COLEC12: variants seen among roughly 807,000 people sequenced by gnomAD.
COLEC12 encodes the protein collectin subfamily member 12.
In COLEC12, 33 loss-of-function variants were observed where a neutral mutation model predicts 71.1. The observed-to-expected ratio is 0.46, with a 90% CI of 0.35 to 0.62. The LOEUF (loss-of-function observed/expected upper bound fraction) is 0.62, where lower values mean the gene tolerates loss of function less well. Ranked by LOEUF, COLEC12 falls within the 20% of genes least tolerant of loss-of-function variation. The probability of loss-of-function intolerance (pLI) is 0.00; values close to 1 mark genes in which losing one functional copy is unlikely to be tolerated. For synonymous variants in COLEC12, 350 were observed against 353.0 expected (o/e 0.99, Z 0.10); for missense variants, 765 against 916.1 (o/e 0.84, Z 2.13).
intron 2 of COLEC12, among the ~76,000 whole-genome samples, chr18:361,056 C>A (rs181000616): frequency 3.0e-4 from 46 of 152,306 alleles, no homozygotes; most frequent in Admixed American, 3.9e-4. Context: ...AAGACACCAT[C>A]ATTTCTTCTC....
chr18:340,084 A>AAAAAAAAC (rs1555613043), intron 5 of COLEC12, among the ~76,000 whole-genome samples: 4 of 151,234 alleles, frequency 2.6e-5, no homozygotes, highest in Non-Finnish European at 5.9e-5. Context: ...CAAAAAAAAA[A>AAAAAAAAC]AAAAAAACAA....
intron 2 of COLEC12, among the ~76,000 whole-genome samples, chr18:459,441 C>G (rs6506214): frequency 0.15 from 23,305 of 152,200 alleles, 2,185 homozygotes; most frequent in East Asian, 0.38. Context: ...TGCACAATGT[C>G]TGGCACACAG....
chr18:428,263 C>CA (rs764493479), intron 2 of COLEC12, among the ~76,000 whole-genome samples: 28,402 of 131,108 alleles, frequency 0.22, 2,915 homozygotes, highest in Middle Eastern at 0.28. Flanking sequence ...AACTCCGTCT[C>CA]AAAAAAAAAA....
chr18:336,878 G>T (rs530912074), intron 5 of COLEC12, among the ~76,000 whole-genome samples: 38 of 151,788 alleles, frequency 2.5e-4, no homozygotes, highest in South Asian at 1.7e-3. Flanking sequence ...TTTTTTTAGA[G>T]ACAGTCTCAC....
At chr18:482,181 T>A (rs1271024786) in intron 1 of COLEC12, among the ~76,000 whole-genome samples, 1 of 151,186 alleles carries the variant, frequency 6.6e-6, no homozygotes, top group Admixed American at 6.6e-5. Context: ...AGTGGCGCGA[T>A]CTCGGCTCAC....
chr18:455,193 A>G (rs529973772), intron 2 of COLEC12, among the ~76,000 whole-genome samples: 9 of 152,308 alleles, frequency 5.9e-5, no homozygotes, highest in South Asian at 4.1e-4. Flanking sequence ...TGGGAGATAA[A>G]TAGAAATGAA....
rs1186311426 is a variant in COLEC12, at chr18:318,207, C to T, written c.*1838G>A. The T allele has an allele frequency of 6.6e-6, 1 of 151,932 alleles. No homozygotes were observed. The highest frequency in any genetic ancestry group is 1.5e-5 in the Non-Finnish European group (1 of 67,998). The allele number at this position is 151,932 out of a possible 1,614,324, so 9.4% of individuals were successfully genotyped here. ...GTGTTAGCCAGGATGGTCTCGATCT[C>T]CTGACCTTGTGATCCGTCCGCCTCG... On this transcript the variant is annotated 3_prime_UTR_variant, in exon 10 of 10. Transcript: ENST00000400256.
intron 2 of COLEC12, among the ~76,000 whole-genome samples, chr18:444,114 T>C (rs1436766689): frequency 2.0e-5 from 3 of 152,124 alleles, no homozygotes; most frequent in African/African-American, 7.2e-5. Context: ...TTTACAGCAA[T>C]GCAAGAATGG....
chr18:460,305 G>C (rs1433059014), intron 2 of COLEC12, among the ~76,000 whole-genome samples: 2 of 151,386 alleles, frequency 1.3e-5, no homozygotes, highest in Non-Finnish European at 2.9e-5. Flanking sequence ...AGGTTTTATG[G>C]ACTTTGTGTC....
intron 3 of COLEC12, 120 bp downstream of exon 3, chr18:357,280 T>C (rs2143501140): frequency 2.2e-6 from 2 of 910,266 alleles, no homozygotes; most frequent in Non-Finnish European, 3.3e-6. Context: ...TATCATGTTG[T>C]TATTTTGCAT....
At chr18:491,632 T>C (rs1312510685) in intron 1 of COLEC12, among the ~76,000 whole-genome samples, 1 of 152,224 alleles carries the variant, frequency 6.6e-6, no homozygotes, top group Non-Finnish European at 1.5e-5. Context: ...TCATCTGGCT[T>C]CAAAAGACAC....
chr18:361,052 C>T (rs188598805), intron 2 of COLEC12, among the ~76,000 whole-genome samples: 147 of 152,268 alleles, frequency 9.7e-4, no homozygotes, highest in Middle Eastern at 3.4e-3. Flanking sequence ...CTCAAAGACA[C>T]CATCATTTCT....
intron 2 of COLEC12, among the ~76,000 whole-genome samples, chr18:390,510 C>T (rs192199808): frequency 9.2e-5 from 14 of 152,226 alleles, no homozygotes; most frequent in Admixed American, 5.9e-4. Flanking sequence ...GCCTGTAATC[C>T]CAGCACTTTG....
At chr18:450,682 GCTACAAAGATAT>G (rs1196480655) in intron 2 of COLEC12, among the ~76,000 whole-genome samples, 1 of 152,196 alleles carries the variant, frequency 6.6e-6, no homozygotes, top group Non-Finnish European at 1.5e-5. Flanking sequence ...GTAGGGCATT[GCTACAAAGATAT>G]CTGAAAATAT....
At chr18:438,391 C>G (rs899726) in intron 2 of COLEC12, among the ~76,000 whole-genome samples, 1 of 152,042 alleles carries the variant, frequency 6.6e-6, no homozygotes, top group African/African-American at 2.4e-5. Flanking sequence ...TAATATTTAT[C>G]AATTTTAAAC....
intron 2 of COLEC12, among the ~76,000 whole-genome samples, chr18:457,774 C>T (rs539596403): frequency 3.9e-5 from 6 of 152,260 alleles, no homozygotes; most frequent in East Asian, 1.9e-4. Flanking sequence ...CTATACCAAG[C>T]GGAGTAGAAT....
Position 453,461 on chromosome 18 carries a change from C to T in COLEC12, c.58+27246G>A, listed in dbSNP as rs188988595. On this transcript the variant is annotated intron_variant, in intron 2 of 9. Coordinates refer to ENST00000400256, the MANE Select transcript of COLEC12 (RefSeq NM_130386.3). ...CCACATGCAGAGATACAGAGAGAGA[C>T]ACAGAGACAGAGACAGAACACAGAG... Among the ~76,000 whole-genome samples the T allele has an allele frequency of 7.2e-4, 109 of 152,270 alleles. 1 individual carries two copies. The highest frequency in any genetic ancestry group is 2.6e-3 in the African/African-American group (107 of 41,574).
intron 5 of COLEC12, among the ~76,000 whole-genome samples, chr18:343,117 TA>T (rs1419334743): frequency 1.3e-5 from 2 of 152,100 alleles, no homozygotes; most frequent in Non-Finnish European, 1.5e-5. Flanking sequence ...ACCAACCCCC[TA>T]CCATGTGTTC....
chr18:435,568 G>A (rs1167480275), intron 2 of COLEC12, among the ~76,000 whole-genome samples: 1 of 151,334 alleles, frequency 6.6e-6, no homozygotes, highest in Non-Finnish European at 1.5e-5. Context: ...TGGGGACACA[G>A]AGCCAAACCA....
Sources: allele counts gnomAD v4.1 joint callset (sites outside exome capture counted in the v4.1 genomes callset), GRCh38; gene constraint gnomAD v4.1.1; transcripts MANE v1.5; gene names NCBI Gene and HGNC (gene_info 2026-07-23, HGNC 2026-07-21).